The following RYR3 variants were observed in gnomAD, a reference collection of about 807,000 sequenced individuals.
RYR3 encodes brain ryanodine receptor-calcium release channel.
In RYR3, 207 loss-of-function variants were observed where a neutral mutation model predicts 584.3. The ratio of observed to expected loss-of-function variants is 0.35; its 90% CI spans 0.32 to 0.40. RYR3 has a LOEUF of 0.40. Among genes scored for constraint, RYR3 ranks in the 10% least tolerant of loss-of-function variants. The probability of loss-of-function intolerance (pLI) is 1.00; values close to 1 mark genes in which losing one functional copy is unlikely to be tolerated. For missense variants in RYR3, 5,616 were observed against 6,089.2 expected (o/e 0.92, Z 2.59); for synonymous variants, 2,416 against 2,248.5 (o/e 1.07, Z -2.11).
At chr15:33,535,380 A>G (rs572345062) in intron 5 of RYR3, among the ~76,000 whole-genome samples, 110 of 152,344 alleles carry the variant, frequency 7.2e-4, no homozygotes, top group Middle Eastern at 6.8e-3. Flanking sequence ...CAAGCAAAAA[A>G]GTGGCCCCGC....
intron 1 of RYR3, among the ~76,000 whole-genome samples, chr15:33,322,900 C>T (rs1039649986): frequency 6.6e-6 from 1 of 151,392 alleles, no homozygotes; most frequent in Non-Finnish European, 1.5e-5. Flanking sequence ...CTCTTAACCA[C>T]TCTGTTGTCA....
chr15:33,864,999 T>C, intron 103 of RYR3, 132 bp from the exon 104 acceptor site: 1 of 634,404 alleles, frequency 1.6e-6, no homozygotes. Flanking sequence ...AGAGCAAGAA[T>C]GAATGTGCAG....
chr15:33,668,658 G>T (rs1479321840), intron 36 of RYR3, among the ~76,000 whole-genome samples: 1 of 152,050 alleles, frequency 6.6e-6, no homozygotes, highest in Non-Finnish European at 1.5e-5. Context: ...TTACTGTAAC[G>T]AAGATGGCAT....
At chr15:33,841,331 C>A (rs952060132) in intron 90 of RYR3, among the ~76,000 whole-genome samples, 1 of 152,184 alleles carries the variant, frequency 6.6e-6, no homozygotes, top group Admixed American at 6.5e-5. Flanking sequence ...ATTCTGCAAG[C>A]CCTGGGTATA....
intron 16 of RYR3, among the ~76,000 whole-genome samples, chr15:33,589,008 A>AT (rs1325373727): frequency 1.3e-5 from 2 of 152,150 alleles, no homozygotes; most frequent in Non-Finnish European, 2.9e-5. Context: ...TGGTAGATCT[A>AT]TTTTTAGTTC....
intron 38 of RYR3, among the ~76,000 whole-genome samples, chr15:33,695,997 G>A (rs1228051720): frequency 1.7e-5 from 2 of 114,650 alleles, no homozygotes; most frequent in Non-Finnish European, 3.3e-5. Flanking sequence ...GTCTCGCTTT[G>A]TGGCCCAGGC....
At chr15:33,344,377 C>G (rs1251633133) in intron 1 of RYR3, among the ~76,000 whole-genome samples, 1 of 152,150 alleles carries the variant, frequency 6.6e-6, no homozygotes, top group Non-Finnish European at 1.5e-5. Flanking sequence ...CAATGTAAAA[C>G]TAAATTTGGA....
intron 10 of RYR3, among the ~76,000 whole-genome samples, chr15:33,554,128 C>T (rs1463124864): frequency 6.6e-6 from 1 of 152,100 alleles, no homozygotes; most frequent in East Asian, 1.9e-4. Flanking sequence ...ACTTCCTTGA[C>T]TGGGAGGCCC....
chr15:33,757,519 C>G lies in RYR3; in HGVS notation c.8628C>G (p.Leu2876=). 5 of 1,610,738 alleles carry G rather than the reference C, an allele frequency of 3.1e-6. No individual in the cohort carries two copies. The highest frequency in any genetic ancestry group is 1.3e-5 in the African/African-American group (1 of 75,010). The change falls in exon 60 of 104, where the codon CTC becomes CTG. Residue 2876 remains leucine, a synonymous_variant. Transcript: ENST00000634891. ...LVDQYFTSHC[L]YFLSSPLKPL... ...ACCAGTACTTCACCAGTCATTGCCT[C>G]TACTTCTTGTCATCCCCTCTGAAGC...
At chr15:33,728,113 T>C (rs781530402) in intron 46 of RYR3, among the ~76,000 whole-genome samples, 7 of 152,214 alleles carry the variant, frequency 4.6e-5, no homozygotes, top group Non-Finnish European at 8.8e-5. Context: ...TTCATTCATG[T>C]TTTCTCCCTC....
chr15:33,443,383 G>T (rs1317227105), intron 1 of RYR3, among the ~76,000 whole-genome samples: 2 of 152,036 alleles, frequency 1.3e-5, no homozygotes, highest in Non-Finnish European at 2.9e-5. Flanking sequence ...TGTTAAGATA[G>T]GCTACCAGCA....
At chr15:33,461,696 C>A (rs774069753) in intron 1 of RYR3, among the ~76,000 whole-genome samples, 19 of 152,158 alleles carry the variant, frequency 1.2e-4, no homozygotes, top group Non-Finnish European at 2.6e-4. Context: ...CATTTACTTA[C>A]AGCAGCTCAG....
intron 3 of RYR3, among the ~76,000 whole-genome samples, chr15:33,512,670 G>A (rs527697877): frequency 6.6e-6 from 1 of 152,136 alleles, no homozygotes; most frequent in Non-Finnish European, 1.5e-5. Flanking sequence ...TCCTTGCTGT[G>A]GACATTGGAA....
In RYR3 at chr15:33,390,135, T is replaced by C. The variant is rs2041897834; in HGVS notation, c.51+79039T>C. On this transcript the variant is annotated intron_variant, in intron 1 of 103. Coordinates refer to ENST00000634891, the MANE Select transcript of RYR3 (RefSeq NM_001036.6). The surrounding 1 kb of genome is among the most constrained non-coding windows in gnomAD (Gnocchi z 4.2). ...GCTTCACTGCTGGAAATCTGTACTG[T>C]TATTCCAAGCAGAGTCTCGCTGCTG... 6.6e-6 allele frequency among the ~76,000 whole-genome samples: 1 copy of C among 152,234 alleles called. No individual in the cohort carries two copies. Among genetic ancestry groups the C allele is most frequent in the African/African-American group, 2.4e-5 (1 of 41,460 alleles).
At chr15:33,460,664 C>A (rs999113407) in intron 1 of RYR3, among the ~76,000 whole-genome samples, 4 of 152,152 alleles carry the variant, frequency 2.6e-5, no homozygotes, top group African/African-American at 7.2e-5. Context: ...CAAAAGAAAT[C>A]GCCGTCTTGC....
chr15:33,341,779 C>T (rs1971850985), intron 1 of RYR3, among the ~76,000 whole-genome samples: 1 of 152,018 alleles, frequency 6.6e-6, no homozygotes, highest in Non-Finnish European at 1.5e-5. Flanking sequence ...GTGATGTCCA[C>T]AGCTTGCAGG....
chr15:33,438,388 C>A (rs2045922891), intron 1 of RYR3, among the ~76,000 whole-genome samples: 1 of 151,982 alleles, frequency 6.6e-6, no homozygotes, highest in Non-Finnish European at 1.5e-5. Context: ...AAAAAAATTC[C>A]ACATATAAGT....
intron 67 of RYR3, among the ~76,000 whole-genome samples, chr15:33,799,425 T>G (rs1158275626): frequency 6.7e-6 from 1 of 149,580 alleles, no homozygotes; most frequent in Non-Finnish European, 1.5e-5. Flanking sequence ...ATCATGCCTA[T>G]ATAATGGAGC....
intron 1 of RYR3, among the ~76,000 whole-genome samples, chr15:33,385,428 A>G (rs2041520140): frequency 6.6e-6 from 1 of 152,206 alleles, no homozygotes; most frequent in Non-Finnish European, 1.5e-5. Context: ...AGTAATGGGC[A>G]TTATGATTCA....
Sources: gnomAD v4.1 joint callset for allele counts (sites outside exome capture counted in the v4.1 genomes callset) on GRCh38, gnomAD v4.1.1 for gene constraint, Gnocchi (gnomAD v3.1) non-coding constraint, MANE v1.5 for transcripts, NCBI Gene and HGNC (gene_info 2026-07-23, HGNC 2026-07-21) for gene names.